Variants in PDE7B observed in about 807,000 individuals in gnomAD.
PDE7B encodes 3',5'-cyclic-AMP phosphodiesterase 7B.
In PDE7B, 29 loss-of-function variants were observed where a neutral mutation model predicts 56.2. The ratio of observed to expected loss-of-function variants is 0.52; its 90% CI spans 0.38 to 0.70. The LOEUF (loss-of-function observed/expected upper bound fraction) is 0.70, where lower values mean the gene tolerates loss of function less well. Among genes scored for constraint, PDE7B ranks in the 30% least tolerant of loss-of-function variants. The pLI is 0.00. For missense variants in PDE7B, 490 were observed against 565.0 expected, an observed-to-expected ratio of 0.87 and a Z score of 1.35; for synonymous variants, 197 against 196.9, an observed-to-expected ratio of 1.00 and a Z score of 0.00.
At chr6:136,120,072 G>A (rs1777905258) in intron 3 of PDE7B, among the ~76,000 whole-genome samples, 1 of 152,124 alleles carries the variant, frequency 6.6e-6, no homozygotes, top group Non-Finnish European at 1.5e-5. Flanking sequence ...TAGTGAGTAA[G>A]CGTGCTTAGA....
At position 136,194,053 on chromosome 6, in the gene PDE7B, G is replaced by A. The variant is rs569385531; in HGVS notation, c.*2213G>A. 2 of 151,994 alleles carry A rather than the reference G, an allele frequency of 1.3e-5. No homozygotes were observed. Among genetic ancestry groups the A allele is most frequent in the Non-Finnish European group, 2.9e-5 (2 of 68,002 alleles). The allele number at this position is 151,994 out of a possible 1,614,324, so 9.4% of individuals were successfully genotyped here. A position where few individuals can be genotyped will look rare whatever the true frequency, so the allele number is the denominator to read the frequency against. ...TATTCTGCAGTTCTCAGCTTGGTGA[G>A]GCTCCAAAAGAGAATATGTCAGATG... On this transcript the variant is annotated 3_prime_UTR_variant, in exon 13 of 13. Transcript: ENST00000308191.
chr6:136,058,350 A>T (rs1776775010), intron 2 of PDE7B, among the ~76,000 whole-genome samples: 1 of 152,206 alleles, frequency 6.6e-6, no homozygotes, highest in South Asian at 2.1e-4. Flanking sequence ...GAAAACATGT[A>T]ACATCTGCTC....
At chr6:136,171,987 A>G (rs1778891286) in intron 8 of PDE7B, among the ~76,000 whole-genome samples, 1 of 151,932 alleles carries the variant, frequency 6.6e-6, no homozygotes, top group African/African-American at 2.4e-5. Flanking sequence ...TTATGGCTGC[A>G]TAGTATTCCA....
rs116154993 is a variant in PDE7B at position 136,158,659 on chromosome 6, A to C, written c.711+2901A>C. ...AGGCCAGGTCAGAGGGCTCCCTCCC[A>C]TGGTCTGTTCTCTGGGCCGGACTCA... On this transcript the variant is annotated intron_variant, in intron 8 of 12. Coordinates refer to ENST00000308191, the MANE Select transcript of PDE7B (RefSeq NM_018945.4). Among the ~76,000 whole-genome samples the C allele has an allele frequency of 4.2e-3, 637 of 152,310 alleles. 4 individuals are homozygous for C. Among genetic ancestry groups the C allele is most frequent in the African/African-American group, 0.014 (592 of 41,564 alleles).
chr6:135,933,942 A>G (rs1396514715), intron 1 of PDE7B, among the ~76,000 whole-genome samples: 3 of 152,162 alleles, frequency 2.0e-5, no homozygotes, highest in Non-Finnish European at 4.4e-5. Flanking sequence ...GTCTTTAATA[A>G]TTTAAAGGCA....
intron 2 of PDE7B, among the ~76,000 whole-genome samples, chr6:136,014,374 T>C (rs1444700426): frequency 6.6e-6 from 1 of 152,350 alleles, no homozygotes; most frequent in African/African-American, 2.4e-5. Flanking sequence ...GCATTTCCTG[T>C]TTCTGTGTGC....
chr6:136,104,481 G>T (rs996352311), intron 2 of PDE7B, among the ~76,000 whole-genome samples: 4 of 152,290 alleles, frequency 2.6e-5, no homozygotes, highest in African/African-American at 7.2e-5. Flanking sequence ...TCAGAAAACA[G>T]CCCAGTAGCC....
At chr6:135,978,102 A>G (rs530951681) in intron 2 of PDE7B, among the ~76,000 whole-genome samples, 20 of 152,272 alleles carry the variant, frequency 1.3e-4, no homozygotes, top group African/African-American at 4.6e-4. Context: ...TGTAAACATC[A>G]AAGAGCACAC....
intron 3 of PDE7B, among the ~76,000 whole-genome samples, chr6:136,135,116 AT>A (rs1778190388): frequency 6.6e-6 from 1 of 152,088 alleles, no homozygotes; most frequent in South Asian, 2.1e-4. Flanking sequence ...AGTCGTGAGT[AT>A]TTTTTGTACA....
intron 2 of PDE7B, among the ~76,000 whole-genome samples, chr6:136,035,933 A>G (rs1254841210): frequency 6.6e-6 from 1 of 152,206 alleles, no homozygotes; most frequent in Non-Finnish European, 1.5e-5. Context: ...CCTTTGTTCC[A>G]AGGGTCAGGA....
Position 135,923,001 on chromosome 6 carries a change from G to A in PDE7B, c.22-24463G>A, listed in dbSNP as rs180788772. The stretch of plus-strand genomic sequence containing the variant: ...GATGTTTGGGCTTCTGCCAGTGGCC[G>A]TGGCACAGATGCTTTTAATAAAGGG... On this transcript the variant is annotated intron_variant, in intron 1 of 12. Transcript: ENST00000308191. 6.3e-4 allele frequency among the ~76,000 whole-genome samples: 96 copies of A among 152,180 alleles called. No individual in the cohort carries two copies. In the South Asian group the frequency reaches 8.3e-3, roughly 13 times the overall value.
At chr6:136,119,933 C>T (rs1056848188) in intron 3 of PDE7B, among the ~76,000 whole-genome samples, 27 of 152,212 alleles carry the variant, frequency 1.8e-4, no homozygotes, top group African/African-American at 4.8e-4. Context: ...GCTCCAGAGC[C>T]GGCTGCCTGG....
At chr6:136,188,765 C>T (rs1157615669) in intron 12 of PDE7B, among the ~76,000 whole-genome samples, 2 of 152,124 alleles carry the variant, frequency 1.3e-5, no homozygotes, top group East Asian at 3.8e-4. Flanking sequence ...ACCATAGATA[C>T]CTCTTTTAAA....
intron 7 of PDE7B, 59 bp downstream of exon 7, chr6:136,154,234 T>C: frequency 1.0e-6 from 1 of 983,950 alleles, no homozygotes; most frequent in Non-Finnish European, 1.6e-6. Flanking sequence ...AACTACCTGC[T>C]AGGCCCAAGT....
chr6:136,084,660 T>C (rs1777260130), intron 2 of PDE7B, among the ~76,000 whole-genome samples: 1 of 152,214 alleles, frequency 6.6e-6, no homozygotes. Context: ...GTGTTCTTAT[T>C]ATAAGTATTA....
intron 2 of PDE7B, among the ~76,000 whole-genome samples, chr6:136,025,729 G>T (rs910324818): frequency 2.6e-5 from 4 of 152,172 alleles, no homozygotes; most frequent in Non-Finnish European, 5.9e-5. Flanking sequence ...TAGAAGAGAT[G>T]CCTGATCCAC....
intron 8 of PDE7B, among the ~76,000 whole-genome samples, chr6:136,163,539 T>C (rs1778744889): frequency 6.6e-6 from 1 of 152,266 alleles, no homozygotes; most frequent in African/African-American, 2.4e-5. Flanking sequence ...TGGAGACATT[T>C]ACCCCATTGT....
intron 2 of PDE7B, among the ~76,000 whole-genome samples, chr6:136,050,118 C>T (rs1318704102): frequency 6.6e-6 from 1 of 152,130 alleles, no homozygotes; most frequent in Non-Finnish European, 1.5e-5. Context: ...CAACTCCAGC[C>T]GAGGCTTCTC....
intron 3 of PDE7B, among the ~76,000 whole-genome samples, chr6:136,130,836 C>T (rs1359022941): frequency 6.6e-6 from 1 of 152,198 alleles, no homozygotes; most frequent in Non-Finnish European, 1.5e-5. Flanking sequence ...GCATGTCTTA[C>T]ATGGCAGTGG....
Sources: gnomAD v4.1 joint callset for allele counts (sites outside exome capture counted in the v4.1 genomes callset) on GRCh38, gnomAD v4.1.1 for gene constraint, MANE v1.5 for transcripts, NCBI Gene and HGNC (gene_info 2026-07-23, HGNC 2026-07-21) for gene names.